The following ARNT2 variants were observed in gnomAD, a reference collection of about 807,000 sequenced individuals.
The protein encoded by ARNT2 is ARNT protein 2.
In ARNT2, 36 loss-of-function variants were observed where a neutral mutation model predicts 91.7. That is an observed-to-expected ratio of 0.39 (90% CI 0.30 to 0.52). ARNT2 has a LOEUF of 0.52. Among genes scored for constraint, ARNT2 ranks in the 20% least tolerant of loss-of-function variants. ARNT2 has a pLI of 0.72. For synonymous variants in ARNT2, 365 were observed against 347.1 expected, an observed-to-expected ratio of 1.05 and a Z score of -0.57; for missense variants, 775 against 939.3, an observed-to-expected ratio of 0.83 and a Z score of 2.29.
In ARNT2 at chr15:80,555,035, G is replaced by T. The variant is rs1045253828; in HGVS notation, c.1090-30G>T. On this transcript the variant is annotated intron_variant, in intron 10 of 18. Transcript: ENST00000303329. ...ATACAAATAATTACAAATGGATCTG[G>T]GATTATTAAAGCTTGTCTCTTTTAT... The T allele has an allele frequency of 6.3e-6, 10 of 1,589,454 alleles. No individual in the cohort carries two copies. In the East Asian group the frequency reaches 2.0e-4, roughly 32 times the overall value.
At chr15:80,436,964 C>T (rs1301799242) in intron 1 of ARNT2, among the ~76,000 whole-genome samples, 1 of 152,206 alleles carries the variant, frequency 6.6e-6, no homozygotes, top group Non-Finnish European at 1.5e-5. Flanking sequence ...CTGATGGTCT[C>T]TCCTGGTTTG....
Position 80,570,144 on chromosome 15 carries a change from A to C in ARNT2, c.1317-4004A>C, listed in dbSNP as rs577676296. Among the ~76,000 whole-genome samples the C allele has an allele frequency of 9.2e-5, 14 of 152,392 alleles. 1 individual carries two copies. The highest frequency in any genetic ancestry group is 3.4e-4 in the African/African-American group (14 of 41,596). On this transcript the variant is annotated intron_variant, in intron 12 of 18. Coordinates refer to ENST00000303329, the MANE Select transcript of ARNT2 (RefSeq NM_014862.4). ...TAAAAAGACCGCAAGGCCAACAGCC[A>C]GACAGACTTGGGTTTGAGTCATATG...
At chr15:80,527,373 C>G (rs1189834304) in intron 8 of ARNT2, among the ~76,000 whole-genome samples, 16 of 152,104 alleles carry the variant, frequency 1.1e-4, no homozygotes. Flanking sequence ...TTGGGAGTAC[C>G]AAGACTGGCT....
intron 5 of ARNT2, among the ~76,000 whole-genome samples, chr15:80,506,227 C>CCCGGCCCCGCGTGAGCCACCGT: frequency 6.6e-6 from 1 of 152,164 alleles, no homozygotes; most frequent in Non-Finnish European, 1.5e-5. Context: ...TGAGCCACCG[C>CCCGGCCCCGCGTGAGCCACCGT]GCCCGGCCCC....
chr15:80,564,128 C>G (rs1356648579), intron 12 of ARNT2, among the ~76,000 whole-genome samples: 1 of 152,218 alleles, frequency 6.6e-6, no homozygotes, highest in Non-Finnish European at 1.5e-5. Context: ...ATGAGGCTGG[C>G]ATCCGGAGAA....
Position 80,406,739 on chromosome 15 carries a change from A to G in ARNT2, c.31+2193A>G, listed in dbSNP as rs970859035. 5.2e-4 allele frequency among the ~76,000 whole-genome samples: 79 copies of G among 152,190 alleles called. 1 individual carries two copies. The highest frequency in any genetic ancestry group is 1.5e-5 in the Non-Finnish European group (1 of 68,036). On this transcript the variant is annotated intron_variant, in intron 1 of 18. Coordinates refer to ENST00000303329, the MANE Select transcript of ARNT2 (RefSeq NM_014862.4). ...AGTCAACACCTGGCCAGCTTGACAG[A>G]TGCTTTTCTCTGTTGACAGCTATAC...
chr15:80,573,178 A>G (rs567060890), intron 12 of ARNT2, among the ~76,000 whole-genome samples: 1 of 152,352 alleles, frequency 6.6e-6, no homozygotes, highest in South Asian at 2.1e-4. Flanking sequence ...ACATATTTTT[A>G]CCAACTTAGC....
At chr15:80,433,242 A>ATTTTATTTTTAT (rs1567178264) in intron 1 of ARNT2, among the ~76,000 whole-genome samples, 1 of 62,570 alleles carries the variant, frequency 1.6e-5, no homozygotes, top group East Asian at 1.5e-3. Flanking sequence ...TATTTATTTT[A>ATTTTATTTTTAT]TTTTATTTTA....
intron 15 of ARNT2, 70 bp from the exon 16 acceptor site, chr15:80,580,341 G>T (rs895312520): frequency 6.3e-7 from 1 of 1,582,902 alleles, no homozygotes; most frequent in African/African-American, 1.3e-5. Context: ...AGATTGTGTG[G>T]TTGGCTGGGC....
chr15:80,499,785 C>T (rs1198945260), intron 5 of ARNT2, among the ~76,000 whole-genome samples: 5 of 152,064 alleles, frequency 3.3e-5, no homozygotes, highest in African/African-American at 7.2e-5. Flanking sequence ...ATCACTATGG[C>T]GAGGGAGATG....
chr15:80,551,663 C>T (rs1408834304), intron 9 of ARNT2, among the ~76,000 whole-genome samples: 1 of 152,216 alleles, frequency 6.6e-6, no homozygotes, highest in Non-Finnish European at 1.5e-5. Context: ...TCCCACACAG[C>T]ACCATTCCCC....
Position 80,591,552 on chromosome 15 carries a change from G to A in ARNT2, c.1919-16G>A, listed in dbSNP as rs1233615357. 1.2e-6 allele frequency: 2 copies of A among 1,613,998 alleles called. No individual in the cohort carries two copies. Among genetic ancestry groups the A allele is most frequent in the African/African-American group, 1.3e-5 (1 of 74,914 alleles). On this transcript the variant is annotated splice_polypyrimidine_tract_variant and intron_variant, in intron 17 of 18. Transcript: ENST00000303329. The surrounding 1 kb of genome is among the most constrained non-coding windows in gnomAD (Gnocchi z 5.1). ...ATGGCTTTTAAAGGAAGTGTCCTGT[G>A]TGTCGAATCTTTCAGCTGAAAGTGG... is the stretch of plus-strand genomic sequence containing the variant.
At chr15:80,588,199 G>A (rs1234651681) in intron 17 of ARNT2, among the ~76,000 whole-genome samples, 1 of 152,080 alleles carries the variant, frequency 6.6e-6, no homozygotes, top group East Asian at 1.9e-4. Context: ...ATCATCCCTA[G>A]CTCTTCCCAC....
At chr15:80,531,493 T>C (rs1897739259) in intron 8 of ARNT2, among the ~76,000 whole-genome samples, 1 of 152,264 alleles carries the variant, frequency 6.6e-6, no homozygotes, top group East Asian at 1.9e-4. Flanking sequence ...CTGTTCATAT[T>C]AAAAATCAGT....
At chr15:80,565,080 G>A (rs1307123202) in intron 12 of ARNT2, among the ~76,000 whole-genome samples, 2 of 151,952 alleles carry the variant, frequency 1.3e-5, no homozygotes, top group Non-Finnish European at 2.9e-5. Flanking sequence ...ACACCACCAC[G>A]CCTGGCTGAT....
intron 1 of ARNT2, among the ~76,000 whole-genome samples, chr15:80,431,422 C>T (rs1040232987): frequency 1.3e-5 from 2 of 152,212 alleles, no homozygotes; most frequent in African/African-American, 2.4e-5. Flanking sequence ...AACCACTTCC[C>T]TCTGAAATCC....
chr15:80,404,943 C>T lies in ARNT2; in HGVS notation c.31+397C>T, dbSNP rs1595948568. Among the ~76,000 whole-genome samples the T allele has an allele frequency of 6.6e-6, 1 of 152,218 alleles. No homozygotes were observed. Among genetic ancestry groups the T allele is most frequent in the South Asian group, 2.1e-4 (1 of 4,832 alleles). On this transcript the variant is annotated intron_variant, in intron 1 of 18. Coordinates refer to ENST00000303329, the MANE Select transcript of ARNT2 (RefSeq NM_014862.4). This position sits in a 1 kb window ranked among gnomAD's most constrained non-coding sequence, Gnocchi z 5.5. ...GCCAGTCCTGGCTGGTGGAGGGCTC[C>T]GCGCTGACGGAGGGAAAAGTTTGGA...
rs149334476 is a variant in ARNT2 at position 80,581,422 on chromosome 15, G to A, written c.1918+18G>A. On this transcript the variant is annotated intron_variant, in intron 17 of 18. Coordinates refer to ENST00000303329, the MANE Select transcript of ARNT2 (RefSeq NM_014862.4). The stretch of plus-strand genomic sequence containing the variant: ...AGGGTTCGGTAGGTGGGGAATGAGG[G>A]AGTGAGATTCTGGGAAAGCCAGCAC... 5.7e-4 allele frequency: 926 copies of A among 1,613,744 alleles called. 7 individuals carry two copies. In the East Asian group the frequency reaches 0.02, roughly 35 times the overall value.
chr15:80,543,512 A>G (rs1332308557), intron 8 of ARNT2, among the ~76,000 whole-genome samples: 3 of 152,152 alleles, frequency 2.0e-5, no homozygotes, highest in African/African-American at 7.2e-5. Flanking sequence ...AATTTGGAAA[A>G]TTGTCAGCCA....
Sources: gnomAD v4.1 joint callset for allele counts (sites outside exome capture counted in the v4.1 genomes callset) on GRCh38, gnomAD v4.1.1 for gene constraint, Gnocchi (gnomAD v3.1) non-coding constraint, MANE v1.5 for transcripts, NCBI Gene and HGNC (gene_info 2026-07-23, HGNC 2026-07-21) for gene names.